The following RCOR3 variants were observed in gnomAD, a reference collection of about 807,000 sequenced individuals.
The protein encoded by RCOR3 is REST corepressor 3.
RCOR3 carries 13 observed loss-of-function variants against 64.1 expected under a neutral mutation model. The observed-to-expected ratio is 0.20, with a 90% CI of 0.13 to 0.32. The LOEUF (loss-of-function observed/expected upper bound fraction) is 0.32. RCOR3 is among the 10% of genes least tolerant of loss of function. The pLI is 1.00. For missense variants in RCOR3, 489 were observed against 701.2 expected, an observed-to-expected ratio of 0.70 and a Z score of 3.42; for synonymous variants, 215 against 239.0, an observed-to-expected ratio of 0.90 and a Z score of 0.93.
At chr1:211,292,114 T>C (rs953424328) in intron 8 of RCOR3, among the ~76,000 whole-genome samples, 1 of 152,220 alleles carries the variant, frequency 6.6e-6, no homozygotes, top group East Asian at 1.9e-4. Flanking sequence ...CAACATCTAA[T>C]GCTGCCTTCC....
intron 2 of RCOR3, chr1:211,267,832 A>G (rs1695460086): frequency 5.3e-6 from 2 of 374,456 alleles, no homozygotes; most frequent in Non-Finnish European, 1.0e-5. Context: ...GGCTCAAGCC[A>G]TCCGCCCTCC....
chr1:211,260,282 CA>C lies in RCOR3; in HGVS notation c.223+119del. 3.5e-6 allele frequency: 3 copies of C among 865,258 alleles called. No homozygotes were observed. The East Asian group carries it at 7.6e-5, about 22-fold the overall frequency. 53.6% of individuals were successfully genotyped at this position (865,258 alleles called of 1,614,324 possible). On this transcript the variant is annotated intron_variant, in intron 2 of 11. Coordinates refer to ENST00000419091, the MANE Select transcript of RCOR3 (RefSeq NM_001136223.3). ...GGGATGCGGGGTTGGGCTGGGCAGG[CA>C]TCCGTGGCGGGGAGGCTGTCAGGCT...
chr1:211,264,126 A>G (rs1694817458), intron 2 of RCOR3, among the ~76,000 whole-genome samples: 1 of 152,128 alleles, frequency 6.6e-6, no homozygotes, highest in Non-Finnish European at 1.5e-5. Flanking sequence ...CCCTGCCAAA[A>G]AGATATTTAT....
At chr1:211,300,899 A>G (rs559127432) in intron 9 of RCOR3, among the ~76,000 whole-genome samples, 48 of 151,500 alleles carry the variant, frequency 3.2e-4, no homozygotes, top group African/African-American at 1.1e-3. Context: ...GGGAGACTCT[A>G]GTGTGTATGC....
intron 9 of RCOR3, among the ~76,000 whole-genome samples, chr1:211,298,362 C>T (rs1350500121): frequency 6.6e-6 from 1 of 152,024 alleles, no homozygotes; most frequent in Non-Finnish European, 1.5e-5. Flanking sequence ...ACAGAAAGGA[C>T]CATAGAGGTC....
intron 7 of RCOR3, among the ~76,000 whole-genome samples, chr1:211,284,758 G>A (rs1182708858): frequency 6.6e-6 from 1 of 152,170 alleles, no homozygotes; most frequent in East Asian, 1.9e-4. Flanking sequence ...CTGGGCTCAA[G>A]TGATCCTCCC....
chr1:211,305,995 A>C (rs1412425774), intron 10 of RCOR3, among the ~76,000 whole-genome samples: 1 of 152,170 alleles, frequency 6.6e-6, no homozygotes, highest in East Asian at 1.9e-4. Flanking sequence ...GCATGTTCGC[A>C]GGATTTCAGA....
At chr1:211,288,295 G>A (rs1698798899) in intron 7 of RCOR3, among the ~76,000 whole-genome samples, 1 of 151,180 alleles carries the variant, frequency 6.6e-6, no homozygotes, top group Admixed American at 6.6e-5. Flanking sequence ...TATTCTTTCA[G>A]AATAACGTGT....
intron 7 of RCOR3, among the ~76,000 whole-genome samples, chr1:211,288,157 A>G (rs1283965126): frequency 6.6e-6 from 1 of 151,944 alleles, no homozygotes; most frequent in East Asian, 1.9e-4. Flanking sequence ...GGCTACAGTA[A>G]GCAGTGCTCA....
chr1:211,270,369 C>A (rs1383902569), intron 2 of RCOR3, among the ~76,000 whole-genome samples: 1 of 152,050 alleles, frequency 6.6e-6, no homozygotes, highest in Admixed American at 6.6e-5. Context: ...AGACTTTTAT[C>A]TTTTTATCTT....
chr1:211,274,336 C>G, intron 4 of RCOR3, 74 bp downstream of exon 4: 1 of 1,088,776 alleles, frequency 9.2e-7, no homozygotes, highest in Non-Finnish European at 1.4e-6. Context: ...ATGATAGTTT[C>G]TGTCCTAACA....
At chr1:211,266,853 C>G (rs1473464557) in intron 2 of RCOR3, among the ~76,000 whole-genome samples, 1 of 152,152 alleles carries the variant, frequency 6.6e-6, no homozygotes, top group African/African-American at 2.4e-5. Context: ...GTTACTTTCT[C>G]CTGTTTTATA....
intron 9 of RCOR3, among the ~76,000 whole-genome samples, chr1:211,300,530 G>A (rs1700271695): frequency 6.6e-6 from 1 of 152,176 alleles, no homozygotes; most frequent in African/African-American, 2.4e-5. Flanking sequence ...GAGAGGTTAT[G>A]TTCTCTTTTA....
intron 2 of RCOR3, among the ~76,000 whole-genome samples, chr1:211,266,902 G>A (rs1695298858): frequency 6.6e-6 from 1 of 152,148 alleles, no homozygotes; most frequent in Non-Finnish European, 1.5e-5. Context: ...AAAACATAAT[G>A]GGTCATTTAC....
chr1:211,277,097 C>CA (rs538783429), intron 5 of RCOR3, among the ~76,000 whole-genome samples: 2,409 of 146,108 alleles, frequency 0.016, 20 homozygotes, highest in Middle Eastern at 0.073. Flanking sequence ...AAAAAAAAAA[C>CA]AAAAAAAACA....
intron 2 of RCOR3, among the ~76,000 whole-genome samples, chr1:211,265,644 G>C (rs1023546710): frequency 6.6e-6 from 1 of 152,130 alleles, no homozygotes; most frequent in African/African-American, 2.4e-5. Context: ...GCTTGAACCT[G>C]GGAGGCGGAG....
At chr1:211,281,400 C>T (rs891608855) in intron 7 of RCOR3, among the ~76,000 whole-genome samples, 3 of 152,096 alleles carry the variant, frequency 2.0e-5, no homozygotes, top group South Asian at 4.1e-4. Context: ...CTTAGGTTCT[C>T]GTCTCCTCTG....
At chr1:211,289,649 C>T (rs1332536454) in intron 8 of RCOR3, among the ~76,000 whole-genome samples, 2 of 152,200 alleles carry the variant, frequency 1.3e-5, no homozygotes, top group Admixed American at 6.5e-5. Flanking sequence ...AATGTTCTAT[C>T]TATAAAATCG....
chr1:211,266,564 A>T (rs1019231516), intron 2 of RCOR3, among the ~76,000 whole-genome samples: 1 of 152,184 alleles, frequency 6.6e-6, no homozygotes, highest in Non-Finnish European at 1.5e-5. Flanking sequence ...GTAGCTTGCT[A>T]TCTAGGTTTT....
Sources: gnomAD v4.1 joint callset for allele counts (sites outside exome capture counted in the v4.1 genomes callset) on GRCh38, gnomAD v4.1.1 for gene constraint, MANE v1.5 for transcripts, NCBI Gene and HGNC (gene_info 2026-07-23, HGNC 2026-07-21) for gene names.